DYM: variants seen among roughly 807,000 people sequenced by gnomAD.
The protein encoded by DYM is dymeclin, also known as dyggve-Melchior-Clausen syndrome protein.
In DYM, 78 loss-of-function variants were observed where a neutral mutation model predicts 93.1. The observed-to-expected ratio is 0.84, with a 90% CI of 0.70 to 1.01. The LOEUF (loss-of-function observed/expected upper bound fraction) is 1.01. Among genes scored for constraint, DYM ranks in the 50% least tolerant of loss-of-function variants. The pLI, the probability that DYM is intolerant of heterozygous loss-of-function variation, is 0.00. For missense variants in DYM, 789 were observed against 845.0 expected (o/e 0.93, Z 0.82); for synonymous variants, 321 against 319.7 (o/e 1.00, Z -0.04).
intron 1 of DYM, among the ~76,000 whole-genome samples, chr18:49,441,786 CGA>C (rs1275045733): frequency 6.6e-6 from 1 of 151,922 alleles, no homozygotes; most frequent in Non-Finnish European, 1.5e-5. Flanking sequence ...GGCTAAAGAG[CGA>C]GAGACAGGGC....
In DYM at chr18:49,043,295, A is replaced by G. The variant is rs2071070647; in HGVS notation, c.*760T>C. 6.6e-6 allele frequency: 1 copy of G among 152,050 alleles called. No homozygotes were observed. The highest frequency in any genetic ancestry group is 1.5e-5 in the Non-Finnish European group (1 of 68,042). 9.4% of individuals were successfully genotyped at this position (152,050 alleles called of 1,614,324 possible). A position where few individuals can be genotyped will look rare whatever the true frequency, so the allele number is the denominator to read the frequency against. On this transcript the variant is annotated 3_prime_UTR_variant, in exon 18 of 18. Transcript: ENST00000675505. The stretch of plus-strand genomic sequence containing the variant: ...CAGGAATGTGCCATCATGCCTGGCT[A>G]ATTTTTAAGTTTTTTGTAGAGATGG...
chr18:49,371,118 G>A (rs991941944), intron 5 of DYM, among the ~76,000 whole-genome samples: 3 of 152,192 alleles, frequency 2.0e-5, no homozygotes, highest in African/African-American at 4.8e-5. Context: ...AAGAATTGCT[G>A]CAGGATGCTA....
At chr18:49,393,443 C>T (rs2069644467) in intron 2 of DYM, among the ~76,000 whole-genome samples, 2 of 152,128 alleles carry the variant, frequency 1.3e-5, no homozygotes, top group Admixed American at 6.6e-5. Context: ...ATGAAATGTA[C>T]ATACACACAA....
At chr18:49,119,015 A>T (rs1019903655) in intron 15 of DYM, 89 bp from the exon 16 acceptor site, 38 of 1,069,636 alleles carry the variant, frequency 3.6e-5, no homozygotes, top group Non-Finnish European at 5.2e-5. Context: ...CCTCAAAATT[A>T]TAACAGCATT....
chr18:49,296,502 T>C (rs1374656740), intron 8 of DYM, among the ~76,000 whole-genome samples: 1 of 152,086 alleles, frequency 6.6e-6, no homozygotes, highest in Non-Finnish European at 1.5e-5. Context: ...GCAGCTTCAG[T>C]CTAAAGGAGA....
At chr18:49,102,637 A>T (rs181835992) in intron 16 of DYM, among the ~76,000 whole-genome samples, 2 of 152,140 alleles carry the variant, frequency 1.3e-5, no homozygotes, top group East Asian at 1.9e-4. Context: ...TCATTGTTCA[A>T]TTCCCACCTG....
chr18:49,096,421 T>C (rs985146168), intron 17 of DYM, among the ~76,000 whole-genome samples: 3 of 152,206 alleles, frequency 2.0e-5, no homozygotes, highest in African/African-American at 7.2e-5. Context: ...GTTCTAGTGA[T>C]AGTGCTGAAA....
chr18:49,044,265 A>C, intron 17 of DYM, 61 bp from the exon 18 acceptor site: 2 of 1,599,006 alleles, frequency 1.3e-6, no homozygotes, highest in Non-Finnish European at 1.7e-6. Context: ...AAAAGTGGTG[A>C]GAGTTTGCAG....
chr18:49,186,437 C>T (rs1319472454), intron 14 of DYM, among the ~76,000 whole-genome samples: 1 of 152,252 alleles, frequency 6.6e-6, no homozygotes, highest in East Asian at 1.9e-4. Flanking sequence ...TAAATGAATC[C>T]TTTGTCTCTC....
intron 14 of DYM, among the ~76,000 whole-genome samples, chr18:49,188,949 GTGGA>G (rs1404238385): frequency 1.3e-5 from 2 of 152,212 alleles, no homozygotes; most frequent in African/African-American, 4.8e-5. Flanking sequence ...CAATGGTGGA[GTGGA>G]TGAAGAAAAT....
chr18:49,176,942 T>C (rs1331536963), intron 14 of DYM, among the ~76,000 whole-genome samples: 1 of 152,188 alleles, frequency 6.6e-6, no homozygotes, highest in Non-Finnish European at 1.5e-5. Flanking sequence ...AGTTTTATGG[T>C]ATTTTCTCTA....
At chr18:49,060,657 G>A (rs1478556614) in intron 17 of DYM, among the ~76,000 whole-genome samples, 1 of 91,720 alleles carries the variant, frequency 1.1e-5, no homozygotes, top group Non-Finnish European at 2.3e-5. Context: ...GGGGGAGAGG[G>A]GGAGAGGAGG....
rs377398341 is a variant in DYM, at chr18:49,245,357, A to C, written c.1460+11653T>G. ...TCTGACTGCCTGTGGGGTCAGGCAG[A>C]ATAGAGCCATATTTTTCTTCTTGCA... On this transcript the variant is annotated intron_variant, in intron 13 of 17. Coordinates refer to ENST00000675505, the MANE Select transcript of DYM (RefSeq NM_001353214.3). Among the ~76,000 whole-genome samples the C allele has an allele frequency of 1.3e-4, 20 of 152,312 alleles. No homozygotes were observed. In the South Asian group the frequency reaches 4.1e-3, roughly 32 times the overall value.
At chr18:49,304,694 A>G (rs967194845) in intron 8 of DYM, among the ~76,000 whole-genome samples, 7 of 152,146 alleles carry the variant, frequency 4.6e-5, no homozygotes, top group Non-Finnish European at 8.8e-5. Context: ...AGCCCATCAG[A>G]CTACTCCATC....
intron 10 of DYM, among the ~76,000 whole-genome samples, chr18:49,275,388 G>C (rs527539047): frequency 1.3e-5 from 2 of 152,132 alleles, no homozygotes; most frequent in East Asian, 3.8e-4. Context: ...AGTAAGTTTT[G>C]AAATTAGAAA....
At chr18:49,323,057 C>A (rs1453980351) in intron 8 of DYM, among the ~76,000 whole-genome samples, 2 of 152,226 alleles carry the variant, frequency 1.3e-5, no homozygotes, top group Non-Finnish European at 2.9e-5. Context: ...ATAGCTAGAT[C>A]CTCCAAAGGA....
At chr18:49,363,061 A>T in intron 6 of DYM, 100 bp downstream of exon 6, 1 of 902,694 alleles carries the variant, frequency 1.1e-6, no homozygotes, top group Non-Finnish European at 1.9e-6. Context: ...AGGCACACAT[A>T]TAAGTTCTAT....
intron 10 of DYM, among the ~76,000 whole-genome samples, chr18:49,274,547 G>A (rs2094800281): frequency 6.6e-6 from 1 of 152,040 alleles, no homozygotes; most frequent in South Asian, 2.1e-4. Flanking sequence ...CTGTTTCATT[G>A]TTTCAGGAAC....
intron 11 of DYM, among the ~76,000 whole-genome samples, chr18:49,271,828 C>T (rs1260341847): frequency 6.6e-6 from 1 of 151,770 alleles, no homozygotes; most frequent in African/African-American, 2.4e-5. Flanking sequence ...CATTTTGGTC[C>T]CTTTTTCTTC....
Sources: allele counts gnomAD v4.1 joint callset (sites outside exome capture counted in the v4.1 genomes callset), GRCh38; gene constraint gnomAD v4.1.1; transcripts MANE v1.5; gene names NCBI Gene and HGNC (gene_info 2026-07-23, HGNC 2026-07-21).